TTC28: variants seen among roughly 807,000 people sequenced by gnomAD.
TTC28 encodes the protein tetratricopeptide repeat domain 28, also known as tetratricopeptide repeat protein 28.
A neutral mutation model predicts 198.0 loss-of-function variants in TTC28; 61 were observed. The observed-to-expected ratio is 0.31, with a 90% CI of 0.25 to 0.38. The LOEUF (loss-of-function observed/expected upper bound fraction) is 0.38, where lower values mean the gene tolerates loss of function less well. Ranked by LOEUF, TTC28 falls within the 10% of genes least tolerant of loss-of-function variation. The pLI is 1.00. For missense variants in TTC28, 2,678 were observed against 3,164.0 expected, an observed-to-expected ratio of 0.85 and a Z score of 3.69; for synonymous variants, 1,171 against 1,297.8, an observed-to-expected ratio of 0.90 and a Z score of 2.10.
intron 5 of TTC28, among the ~76,000 whole-genome samples, chr22:28,227,110 T>G (rs1274808703): frequency 1.3e-5 from 2 of 152,052 alleles, no homozygotes; most frequent in African/African-American, 2.4e-5. Flanking sequence ...TTATTTTTAT[T>G]TTTTTAGAGA....
rs1390189088 is a variant in TTC28, at chr22:27,983,869, G to A, written c.5816-18C>T. 13 of 1,535,790 alleles carry A rather than the reference G, an allele frequency of 8.5e-6. No individual in the cohort carries two copies. In the East Asian group the frequency reaches 2.7e-4, roughly 32 times the overall value. On this transcript the variant is annotated intron_variant, in intron 22 of 22. Coordinates refer to ENST00000397906, the MANE Select transcript of TTC28 (RefSeq NM_001145418.2). ...AGTAGAATCTAAGCACAAAACACAA[G>A]GGCCCCAAGGACAGTTAGAATTCTA...
chr22:28,062,419 T>G (rs931778536), intron 12 of TTC28, among the ~76,000 whole-genome samples: 46 of 150,604 alleles, frequency 3.1e-4, no homozygotes, highest in African/African-American at 1.1e-3. Flanking sequence ...TCTTCTTTTT[T>G]TTTTTTTTTT....
intron 13 of TTC28, 74 bp from the exon 14 acceptor site, chr22:28,014,466 A>T: frequency 6.9e-7 from 1 of 1,449,226 alleles, no homozygotes; most frequent in Non-Finnish European, 9.1e-7. Context: ...CCTCCAAGCC[A>T]TGCCCCTGTA....
intron 6 of TTC28, among the ~76,000 whole-genome samples, chr22:28,127,899 T>TC (rs1358885076): frequency 6.6e-6 from 1 of 150,740 alleles, no homozygotes; most frequent in Non-Finnish European, 1.5e-5. Flanking sequence ...GGCTAATTTT[T>TC]TTTTTTTTTT....
At chr22:28,061,415 C>T (rs1332660669) in intron 12 of TTC28, among the ~76,000 whole-genome samples, 4 of 152,140 alleles carry the variant, frequency 2.6e-5, no homozygotes, top group Admixed American at 2.6e-4. Context: ...GGAAGGGGTC[C>T]AGTTTCAGCT....
intron 12 of TTC28, among the ~76,000 whole-genome samples, chr22:28,088,149 T>C (rs1015027862): frequency 4.6e-5 from 7 of 152,126 alleles, no homozygotes; most frequent in African/African-American, 1.2e-4. Context: ...CTTCACAGAA[T>C]TGGAGAAAAC....
intron 2 of TTC28, among the ~76,000 whole-genome samples, chr22:28,526,511 T>C (rs926337866): frequency 6.6e-6 from 1 of 152,176 alleles, no homozygotes. Flanking sequence ...ATAGCATGTA[T>C]ACAGCTATTT....
chr22:28,016,675 A>C (rs1227445670), intron 13 of TTC28, among the ~76,000 whole-genome samples: 1 of 152,208 alleles, frequency 6.6e-6, no homozygotes, highest in East Asian at 1.9e-4. Context: ...ACTGATGGGG[A>C]CACTTCACAA....
intron 2 of TTC28, among the ~76,000 whole-genome samples, chr22:28,626,082 G>T (rs2051072646): frequency 6.6e-6 from 1 of 152,072 alleles, no homozygotes; most frequent in African/African-American, 2.4e-5. Context: ...AAAAATTCTA[G>T]AAGAAAATCT....
chr22:28,139,758 C>T (rs1943285277), intron 6 of TTC28, among the ~76,000 whole-genome samples: 2 of 151,506 alleles, frequency 1.3e-5, no homozygotes, highest in South Asian at 2.1e-4. Context: ...ATCCCCACAG[C>T]GCCTCTCCAG....
chr22:28,388,666 G>A (rs532307931), intron 2 of TTC28, among the ~76,000 whole-genome samples: 7 of 152,266 alleles, frequency 4.6e-5, no homozygotes, highest in African/African-American at 7.2e-5. Context: ...GTATAAGAAC[G>A]CTTGTGACTT....
intron 14 of TTC28, among the ~76,000 whole-genome samples, chr22:28,012,723 G>T (rs1483765492): frequency 5.3e-5 from 8 of 152,130 alleles, no homozygotes; most frequent in Non-Finnish European, 2.9e-5. Context: ...TGTTGCCCAG[G>T]CTAGTCTCGA....
At chr22:28,312,539 A>G (rs2045281936) in intron 2 of TTC28, among the ~76,000 whole-genome samples, 2 of 152,216 alleles carry the variant, frequency 1.3e-5, no homozygotes. Context: ...ATCAAATTAG[A>G]ACTCAAGATT....
At chr22:28,639,264 A>G (rs775300080) in intron 1 of TTC28, among the ~76,000 whole-genome samples, 4 of 152,232 alleles carry the variant, frequency 2.6e-5, no homozygotes, top group Non-Finnish European at 5.9e-5. Context: ...AAAGAATAAG[A>G]AAGATTTTAT....
At chr22:28,306,744 T>G in intron 2 of TTC28, 101 bp from the exon 3 acceptor site, 1 of 1,268,608 alleles carries the variant, frequency 7.9e-7, no homozygotes, top group Non-Finnish European at 1.1e-6. Flanking sequence ...AAGATTGAGA[T>G]GTACTTGATT....
intron 2 of TTC28, among the ~76,000 whole-genome samples, chr22:28,577,389 A>G (rs2146043812): frequency 6.6e-6 from 1 of 152,256 alleles, no homozygotes; most frequent in Non-Finnish European, 1.5e-5. Context: ...GTAGCCTAAC[A>G]TACAGTCTAT....
intron 2 of TTC28, among the ~76,000 whole-genome samples, chr22:28,455,577 G>C (rs2047846753): frequency 6.6e-6 from 1 of 152,166 alleles, no homozygotes; most frequent in African/African-American, 2.4e-5. Context: ...GCCAGGCGTG[G>C]CCTGTGCATG....
intron 2 of TTC28, among the ~76,000 whole-genome samples, chr22:28,488,542 T>C (rs960283518): frequency 1.3e-5 from 2 of 152,204 alleles, no homozygotes; most frequent in Admixed American, 1.3e-4. Flanking sequence ...TGAATGAATA[T>C]TGCAAATATA....
intron 12 of TTC28, among the ~76,000 whole-genome samples, chr22:28,048,635 A>T (rs1939960803): frequency 6.6e-6 from 1 of 152,140 alleles, no homozygotes; most frequent in Admixed American, 6.5e-5. Context: ...CTGAGTCCAC[A>T]TATGCTGTCC....
Sources: gnomAD v4.1 joint callset for allele counts (sites outside exome capture counted in the v4.1 genomes callset) on GRCh38, gnomAD v4.1.1 for gene constraint, MANE v1.5 for transcripts, NCBI Gene and HGNC (gene_info 2026-07-23, HGNC 2026-07-21) for gene names.